Variants in HDAC1 observed in about 807,000 individuals in gnomAD.
The protein encoded by HDAC1 is protein deacetylase HDAC1.
A neutral mutation model predicts 65.5 loss-of-function variants in HDAC1; 18 were observed. The observed-to-expected ratio is 0.27, with a 90% CI of 0.19 to 0.41. The LOEUF (loss-of-function observed/expected upper bound fraction) is 0.41, where lower values mean the gene tolerates loss of function less well. Among genes scored for constraint, HDAC1 ranks in the 10% least tolerant of loss-of-function variants. The pLI, the probability that HDAC1 is intolerant of heterozygous loss-of-function variation, is 1.00. For synonymous variants in HDAC1, 211 were observed against 227.9 expected (o/e 0.93, Z 0.67); for missense variants, 373 against 625.2 (o/e 0.60, Z 4.30).
At chr1:32,304,353 G>T (rs1267166552) in intron 2 of HDAC1, among the ~76,000 whole-genome samples, 1 of 152,166 alleles carries the variant, frequency 6.6e-6, no homozygotes, top group Non-Finnish European at 1.5e-5. Flanking sequence ...TGTGAAGGCA[G>T]CTGGGAATGA....
Position 32,324,337 on chromosome 1 carries a change from A to G in HDAC1, c.281-142A>G, listed in dbSNP as rs187803962. 253 of 647,858 alleles carry G rather than the reference A, an allele frequency of 3.9e-4. 2 individuals carry two copies. In the East Asian group the frequency reaches 6.4e-3, roughly 16 times the overall value. The allele number at this position is 647,858 out of a possible 1,614,324, so 40.1% of individuals were successfully genotyped here. A position where few individuals can be genotyped will look rare whatever the true frequency, so the allele number is the denominator to read the frequency against. ...AAGCTCAAAGATGTTAAACAACTTGATGCAGTCATACAGCCAGGAAGTAGA... is the reference window on the plus strand; with the variant it reads ...AAGCTCAAAGATGTTAAACAACTTGGTGCAGTCATACAGCCAGGAAGTAGA... On this transcript the variant is annotated intron_variant, in intron 3 of 13. Coordinates refer to ENST00000373548, the MANE Select transcript of HDAC1 (RefSeq NM_004964.3).
In HDAC1 at chr1:32,327,775, C is replaced by G; in HGVS notation, c.636+98C>G. On this transcript the variant is annotated intron_variant, in intron 6 of 13. Transcript: ENST00000373548. This position sits in a 1 kb window ranked among gnomAD's most constrained non-coding sequence, Gnocchi z 6.0. Reference sequence around the variant, plus strand: ...CACTAAAAATTGCTTCTTGCCTCTTCTGCCAATCAGAATACCACATCCCAA... The same window carrying G: ...CACTAAAAATTGCTTCTTGCCTCTTGTGCCAATCAGAATACCACATCCCAA... 1.9e-6 allele frequency: 2 copies of G among 1,031,012 alleles called. No individual in the cohort carries two copies. The highest frequency in any genetic ancestry group is 3.0e-6 in the Non-Finnish European group (2 of 665,346). The allele number at this position is 1,031,012 out of a possible 1,614,324, so 63.9% of individuals were successfully genotyped here. A position where few individuals can be genotyped will look rare whatever the true frequency, so the allele number is the denominator to read the frequency against.
intron 1 of HDAC1, among the ~76,000 whole-genome samples, chr1:32,300,504 G>A (rs139163289): frequency 4.4e-4 from 67 of 151,976 alleles, no homozygotes; most frequent in African/African-American, 1.5e-3. Flanking sequence ...GCACTGAGCC[G>A]CCGAGATAGT....
intron 1 of HDAC1, among the ~76,000 whole-genome samples, chr1:32,299,424 CAAA>C (rs201223059): frequency 6.6e-6 from 1 of 150,872 alleles, no homozygotes; most frequent in Non-Finnish European, 1.5e-5. Flanking sequence ...AAACATCAAA[CAAA>C]AAAAAACATA....
At chr1:32,307,192 C>T (rs1640922339) in intron 2 of HDAC1, among the ~76,000 whole-genome samples, 1 of 152,136 alleles carries the variant, frequency 6.6e-6, no homozygotes, top group Non-Finnish European at 1.5e-5. Context: ...TTGCAGTGAG[C>T]TGAGATCTCA....
At chr1:32,313,880 T>C (rs1641023558) in intron 2 of HDAC1, among the ~76,000 whole-genome samples, 1 of 152,232 alleles carries the variant, frequency 6.6e-6, no homozygotes, top group Admixed American at 6.5e-5. Flanking sequence ...AATGGCGTCC[T>C]GTCCAAGGTT....
chr1:32,315,981 C>CAAAA (rs111919247), intron 2 of HDAC1, among the ~76,000 whole-genome samples: 3 of 130,064 alleles, frequency 2.3e-5, no homozygotes, highest in African/African-American at 8.8e-5. Context: ...AACAAACAAA[C>CAAAA]AAAAAAAAAC....
chr1:32,305,650 ACTCAGGCTGCAGTGCACTGGTGCGAT>A (rs1225199516), intron 2 of HDAC1, among the ~76,000 whole-genome samples: 3 of 134,798 alleles, frequency 2.2e-5, no homozygotes, highest in Non-Finnish European at 4.6e-5. Context: ...TCACTCTGGC[ACTCAGGCTGCAGTGCACTGGTGCGAT>A]CTCGGCTCAC....
intron 4 of HDAC1, among the ~76,000 whole-genome samples, chr1:32,326,056 A>G (rs1291063638): frequency 6.6e-6 from 1 of 152,132 alleles, no homozygotes; most frequent in African/African-American, 2.4e-5. Flanking sequence ...ACACTGCCAC[A>G]AATGCACTTG....
chr1:32,292,213 A>G lies in HDAC1; in HGVS notation c.44A>G (p.Tyr15Cys). ...ACCCGGAGGAAAGTCTGTTACTACT[A>G]CGACGGTGAGCACCGTCCTCGCGGC... is the stretch of plus-strand genomic sequence containing the variant. ...QGTRRKVCYYYDGDVGNYYYG... is the reference protein window; with the variant it reads ...QGTRRKVCYYCDGDVGNYYYG... The change falls in exon 1 of 14, where the codon TAC becomes TGC. Residue 15 changes from tyrosine to cysteine, a missense_variant. By Grantham distance (194) the Tyr-to-Cys change is radical. Coordinates refer to ENST00000373548, the MANE Select transcript of HDAC1 (RefSeq NM_004964.3). 6.5e-7 allele frequency: 1 copy of G among 1,548,676 alleles called. No homozygotes were observed. The highest frequency in any genetic ancestry group is 8.7e-7 in the Non-Finnish European group (1 of 1,146,340).
rs1641190126 is a variant in HDAC1, at chr1:32,324,513, C to A, written c.315C>A (p.Gly105=). Residue 105 remains glycine (G), a synonymous_variant, in exon 4 of 14, where the codon GGC becomes GGA. Coordinates refer to ENST00000373548, the MANE Select transcript of HDAC1 (RefSeq NM_004964.3). The part of the protein sequence containing the change: ...NVGEDCPVFD[G]LFEFCQLSTG... ...GTGAGGACTGTCCAGTATTCGATGG[C>A]CTGTTTGAGTTCTGTCAGTTGTCTA... 1 of 1,613,184 alleles carries A rather than the reference C, an allele frequency of 6.2e-7. No homozygotes were observed. The highest frequency in any genetic ancestry group is 8.5e-7 in the Non-Finnish European group (1 of 1,179,166).
At chr1:32,299,077 G>C (rs1229749762) in intron 1 of HDAC1, among the ~76,000 whole-genome samples, 1 of 152,140 alleles carries the variant, frequency 6.6e-6, no homozygotes, top group Non-Finnish European at 1.5e-5. Context: ...ACCTGATTAA[G>C]ATATAGAGAT....
At position 32,333,107 on chromosome 1, in the gene HDAC1, T is replaced by C. The variant is rs1641321577; in HGVS notation, c.*63T>C. 7.8e-7 allele frequency: 1 copy of C among 1,287,006 alleles called. No homozygotes were observed. Among genetic ancestry groups the C allele is most frequent in the African/African-American group, 1.5e-5 (1 of 67,176 alleles). The allele number at this position is 1,287,006 out of a possible 1,614,324, so 79.7% of individuals were successfully genotyped here. A position where few individuals can be genotyped will look rare whatever the true frequency, so the allele number is the denominator to read the frequency against. ...CACGTTTCTTCCCCAACCCCTCAGA[T>C]TTTATATTTTCTATTTCTCTGTGTA... is the stretch of plus-strand genomic sequence containing the variant. On this transcript the variant is annotated 3_prime_UTR_variant, in exon 14 of 14. Coordinates refer to ENST00000373548, the MANE Select transcript of HDAC1 (RefSeq NM_004964.3).
intron 1 of HDAC1, among the ~76,000 whole-genome samples, chr1:32,292,797 G>T (rs1269109891): frequency 6.6e-6 from 1 of 151,960 alleles, no homozygotes; most frequent in Non-Finnish European, 1.5e-5. Context: ...TTGAGGGGCT[G>T]GGGCCGTGGG....
At chr1:32,319,912 C>T (rs1003100974) in intron 3 of HDAC1, among the ~76,000 whole-genome samples, 66 of 151,682 alleles carry the variant, frequency 4.4e-4, no homozygotes, top group African/African-American at 1.5e-3. Context: ...AAGAACTCGT[C>T]TCAATAAAAA....
At position 32,330,951 on chromosome 1, in the gene HDAC1, T is replaced by C. The variant is rs751758361; in HGVS notation, c.979+43T>C. On this transcript the variant is annotated intron_variant, in intron 9 of 13. Transcript: ENST00000373548. This position sits in a 1 kb window ranked among gnomAD's most constrained non-coding sequence, Gnocchi z 4.2. ...AGGTTCGGCTGGGCTGGGTGGGAGC[T>C]GGAGCTCATCTGTCCTTAAGTTTAT... 6.2e-7 allele frequency: 1 copy of C among 1,606,460 alleles called. No individual in the cohort carries two copies. The highest frequency in any genetic ancestry group is 8.5e-7 in the Non-Finnish European group (1 of 1,173,424).
In HDAC1 at chr1:32,322,704, T is replaced by C. The variant is rs541953391; in HGVS notation, c.281-1775T>C. Among the ~76,000 whole-genome samples the C allele has an allele frequency of 6.9e-4, 105 of 152,374 alleles. 2 individuals are homozygous for C. The South Asian group carries it at 0.021, about 30-fold the overall frequency. On this transcript the variant is annotated intron_variant, in intron 3 of 13. Coordinates refer to ENST00000373548, the MANE Select transcript of HDAC1 (RefSeq NM_004964.3). ...ATTGTTTGCATATGTTTCCACATTA[T>C]GTACTACTTGGTACTTTTACCCCAT...
At chr1:32,316,358 CA>C (rs1641064169) in intron 2 of HDAC1, among the ~76,000 whole-genome samples, 1 of 152,174 alleles carries the variant, frequency 6.6e-6, no homozygotes. Flanking sequence ...CCAATTCTCT[CA>C]ACTTCCCTGT....
chr1:32,322,274 C>CT lies in HDAC1; in HGVS notation c.281-2190dup, dbSNP rs796152563. ...TAGCTCATTGATGTCTCAGCAGTTA[C>CT]TTTTTTTTTTTTTTTCTCCTGAGAT... On this transcript the variant is annotated intron_variant, in intron 3 of 13. Transcript: ENST00000373548. Among the ~76,000 whole-genome samples, 242 of 144,262 alleles carry CT rather than the reference C, an allele frequency of 1.7e-3. 1 individual carries two copies. Among genetic ancestry groups the CT allele is most frequent in the South Asian group, 7.3e-3 (33 of 4,544 alleles). The allele number at this position is 144,262 out of a possible 152,430, so 94.6% of individuals were successfully genotyped here. A position where few individuals can be genotyped will look rare whatever the true frequency, so the allele number is the denominator to read the frequency against.
Sources: allele counts gnomAD v4.1 joint callset (sites outside exome capture counted in the v4.1 genomes callset), GRCh38; gene constraint gnomAD v4.1.1; non-coding constraint Gnocchi (gnomAD v3.1); transcripts MANE v1.5; gene names NCBI Gene and HGNC (gene_info 2026-07-23, HGNC 2026-07-21).